OR7E24: variants seen among roughly 807,000 people sequenced by gnomAD.
The protein encoded by OR7E24 is olfactory receptor family 7 subfamily E member 24.
For missense variants in OR7E24, 385 were observed against 410.3 expected (o/e 0.94, Z 0.53); for synonymous variants, 130 against 157.5 (o/e 0.83, Z 1.31).
chr19:9,243,371 T>G (rs2066121266), upstream of OR7E24, among the ~76,000 whole-genome samples: 1 of 150,820 alleles, frequency 6.6e-6, no homozygotes, highest in Non-Finnish European at 1.5e-5. Flanking sequence ...TGAGCCAGTG[T>G]CTCACAGTAT....
the OR7E24 span, chr19:9,212,539 CT>C: frequency 6.6e-6 from 1 of 152,090 alleles, no homozygotes; most frequent in Non-Finnish European, 1.5e-5. Context: ...AAGATTGGCC[CT>C]GCCTAACATC....
rs200395125 is a variant in OR7E24, at chr19:9,251,085, G to A, written c.42G>A (p.Arg14=). ...TTCTCTTTTTTTTTTTCCTCAAAAG[G>A]TGTCCGAGCTACACAGAGCCACAGA... ...FPILFFFFLK[R]CPSYTEPQNL... is the part of the protein sequence containing the mutation. The change falls in exon 1 of 1, where the codon AGG becomes AGA. Residue 14 remains arginine (R), a synonymous_variant. Coordinates refer to ENST00000456448, the MANE Select transcript of OR7E24 (RefSeq NM_001079935.2). 6.5e-5 allele frequency: 105 copies of A among 1,608,412 alleles called. No homozygotes were observed. In the African/African-American group the frequency reaches 1.2e-3, roughly 18 times the overall value.
chr19:9,220,208 T>C, the OR7E24 span, among the ~76,000 whole-genome samples: 15 of 152,298 alleles, frequency 9.8e-5, no homozygotes, highest in African/African-American at 3.6e-4. Flanking sequence ...ATATCCACTC[T>C]CTTAGCATTT....
At chr19:9,214,976 T>C in the OR7E24 span, 3 of 603,366 alleles carry the variant, frequency 5.0e-6, no homozygotes, top group Admixed American at 8.9e-5. Flanking sequence ...ACAAAGACAA[T>C]GAATCTCTCA....
At chr19:9,235,441 C>G in the OR7E24 span, 1 of 1,606,758 alleles carries the variant, frequency 6.2e-7, no homozygotes, top group Non-Finnish European at 8.5e-7. Flanking sequence ...GTGCCTCACT[C>G]AGGTGTATTT....
chr19:9,251,215 C>A lies in OR7E24; in HGVS notation c.172C>A (p.Leu58Met). 6.2e-7 allele frequency: 1 copy of A among 1,613,998 alleles called. No individual in the cohort carries two copies. Among genetic ancestry groups the A allele is most frequent in the Non-Finnish European group, 8.5e-7 (1 of 1,179,962 alleles). ...CCTGTCCATGTACCTGGTCACGGTG[C>A]TGGGGAACCTGCTCATCATCCTGGC... is the stretch of plus-strand genomic sequence containing the variant. ...LFLSMYLVTV[L>M]GNLLIILAVS... The change falls in exon 1 of 1, where the codon CTG becomes ATG. Residue 58 changes from leucine to methionine, a missense_variant. Leu to Met is a conservative substitution (Grantham distance 15, BLOSUM62 2). Coordinates refer to ENST00000456448, the MANE Select transcript of OR7E24 (RefSeq NM_001079935.2).
the OR7E24 span, chr19:9,214,061 A>G: frequency 6.8e-6 from 11 of 1,613,992 alleles, no homozygotes; most frequent in Non-Finnish European, 8.5e-6. Context: ...CAGAACTCAG[A>G]TAGACCCCAA....
chr19:9,236,438 A>G, the OR7E24 span, among the ~76,000 whole-genome samples: 1 of 151,976 alleles, frequency 6.6e-6, no homozygotes, highest in Admixed American at 6.6e-5. Context: ...TGAACCCAGG[A>G]GGCGGAGGTT....
chr19:9,235,019 G>T, the OR7E24 span: 1 of 540,174 alleles, frequency 1.9e-6, no homozygotes, highest in Non-Finnish European at 3.3e-6. Context: ...AATGGAATTA[G>T]GCTACCAAAT....
upstream of OR7E24, among the ~76,000 whole-genome samples, chr19:9,249,291 G>A (rs1388047672): frequency 6.6e-6 from 1 of 152,120 alleles, no homozygotes; most frequent in Non-Finnish European, 1.5e-5. Context: ...GTACAGAGGA[G>A]ACACCAAAAA....
chr19:9,244,397 A>T (rs1040640419), upstream of OR7E24, among the ~76,000 whole-genome samples: 13 of 152,250 alleles, frequency 8.5e-5, no homozygotes, highest in African/African-American at 2.9e-4. Flanking sequence ...AGAAACTCTC[A>T]CTTATATGGT....
At chr19:9,236,426 C>T in the OR7E24 span, among the ~76,000 whole-genome samples, 1 of 151,970 alleles carries the variant, frequency 6.6e-6, no homozygotes, top group African/African-American at 2.4e-5. Context: ...AGGAGAATCG[C>T]TTGAACCCAG....
At chr19:9,238,629 C>A in the OR7E24 span, among the ~76,000 whole-genome samples, 3 of 152,100 alleles carry the variant, frequency 2.0e-5, no homozygotes, top group African/African-American at 7.2e-5. Context: ...CTCTTAAAAT[C>A]ACTTCCCCTG....
chr19:9,226,151 C>G, the OR7E24 span, among the ~76,000 whole-genome samples: 3 of 152,242 alleles, frequency 2.0e-5, no homozygotes, highest in East Asian at 1.9e-4. Flanking sequence ...TTCTTAGAGA[C>G]TTCTGCCCTT....
Position 9,252,173 on chromosome 19 carries a change from G to T in OR7E24, c.*110G>T, listed in dbSNP as rs1170695013. On this transcript the variant is annotated 3_prime_UTR_variant, in exon 1 of 1. Transcript: ENST00000456448. ...TCTCTGGGTTTCGTATGTGAATATT[G>T]CTTGCTTTGTTTTGTCTTTAATTGC... 2.6e-5 allele frequency: 23 copies of T among 870,804 alleles called. No homozygotes were observed. The highest frequency in any genetic ancestry group is 4.0e-5 in the Non-Finnish European group (23 of 575,180). The allele number at this position is 870,804 out of a possible 1,614,324, so 53.9% of individuals were successfully genotyped here. A position where few individuals can be genotyped will look rare whatever the true frequency, so the allele number is the denominator to read the frequency against.
chr19:9,248,591 C>G (rs995365821), upstream of OR7E24, among the ~76,000 whole-genome samples: 1 of 152,192 alleles, frequency 6.6e-6, no homozygotes, highest in Admixed American at 6.5e-5. Context: ...GTGGGTGCCA[C>G]GTTCACTGTG....
the OR7E24 span, among the ~76,000 whole-genome samples, chr19:9,225,093 G>C: frequency 6.6e-6 from 1 of 151,998 alleles, no homozygotes; most frequent in Non-Finnish European, 1.5e-5. Context: ...GGAGAGGGGA[G>C]GTCGGGTGCG....
chr19:9,248,490 TC>T (rs943832651), upstream of OR7E24, among the ~76,000 whole-genome samples: 8 of 151,638 alleles, frequency 5.3e-5, no homozygotes, highest in Non-Finnish European at 1.0e-4. Flanking sequence ...CATCCAACCT[TC>T]CCCCCCTCGA....
At chr19:9,218,346 G>A in the OR7E24 span, among the ~76,000 whole-genome samples, 3 of 152,180 alleles carry the variant, frequency 2.0e-5, no homozygotes, top group Non-Finnish European at 4.4e-5. Flanking sequence ...CAGGTTTAAT[G>A]TAAGAATGTC....
Sources: allele counts gnomAD v4.1 joint callset (sites outside exome capture counted in the v4.1 genomes callset), GRCh38; gene constraint gnomAD v4.1.1; transcripts MANE v1.5; gene names NCBI Gene and HGNC (gene_info 2026-07-23, HGNC 2026-07-21).